IL1RAPL1: variants seen among roughly 807,000 people sequenced by gnomAD.
IL1RAPL1 encodes interleukin 1 receptor accessory protein like 1.
A neutral mutation model predicts 48.4 loss-of-function variants in IL1RAPL1; 3 were observed. That is an observed-to-expected ratio of 0.06 (90% CI 0.03 to 0.16). IL1RAPL1 has a LOEUF of 0.16. Ranked by LOEUF, IL1RAPL1 falls within the 10% of genes least tolerant of loss-of-function variation. The pLI, the probability that IL1RAPL1 is intolerant of heterozygous loss-of-function variation, is 1.00. For synonymous variants in IL1RAPL1, 185 were observed against 187.7 expected (o/e 0.99, Z 0.12); for missense variants, 349 against 530.6 (o/e 0.66, Z 3.36).
intron 6 of IL1RAPL1, among the ~76,000 whole-genome samples, chrX:29,913,253 C>G (rs1256811789): frequency 9.1e-6 from 1 of 110,107 alleles, no homozygotes; most frequent in African/African-American, 3.3e-5. Flanking sequence ...CTTAGCCGCA[C>G]AAATTTGTAC....
intron 2 of IL1RAPL1, among the ~76,000 whole-genome samples, chrX:29,271,785 T>C (rs1406074896): frequency 2.7e-5 from 3 of 112,307 alleles, no homozygotes; most frequent in African/African-American, 9.7e-5. Flanking sequence ...GGATGCACAG[T>C]TTGCAAATAC....
chrX:29,048,899 T>C (rs185194712), intron 2 of IL1RAPL1, among the ~76,000 whole-genome samples: 1 of 112,591 alleles, frequency 8.9e-6, no homozygotes, highest in East Asian at 2.8e-4. Context: ...TCATAAGTTA[T>C]ATCTTGATTT....
intron 2 of IL1RAPL1, among the ~76,000 whole-genome samples, chrX:28,923,164 C>T (rs1424767365): frequency 2.7e-5 from 3 of 111,052 alleles, no homozygotes; most frequent in Admixed American, 9.6e-5. Flanking sequence ...AAGATTTGTA[C>T]GTTTCTTTTT....
intron 2 of IL1RAPL1, among the ~76,000 whole-genome samples, chrX:29,099,692 A>G (rs1354182551): frequency 8.9e-6 from 1 of 111,877 alleles, no homozygotes; most frequent in South Asian, 3.7e-4. Context: ...TGATACCATA[A>G]CAGCAGCAAA....
intron 5 of IL1RAPL1, among the ~76,000 whole-genome samples, chrX:29,494,150 T>C (rs1935189312): frequency 9.0e-6 from 1 of 111,251 alleles, no homozygotes; most frequent in South Asian, 3.8e-4. Context: ...ATCTTCCCGC[T>C]TTGGCCTCCC....
intron 6 of IL1RAPL1, among the ~76,000 whole-genome samples, chrX:29,873,527 TC>T (rs1435723987): frequency 9.0e-6 from 1 of 111,417 alleles, no homozygotes; most frequent in African/African-American, 3.3e-5. Flanking sequence ...ACCCCCCACT[TC>T]CGCCCTGTGA....
chrX:29,239,213 ACTAAT>A (rs748921557), intron 2 of IL1RAPL1, among the ~76,000 whole-genome samples: 99 of 112,146 alleles, frequency 8.8e-4, no homozygotes, highest in Non-Finnish European at 1.7e-3. Context: ...CTCACTCAAT[ACTAAT>A]CTATGTGGAA....
At chrX:29,903,159 CGTGTGTGTGT>C (rs751071711) in intron 6 of IL1RAPL1, among the ~76,000 whole-genome samples, 14 of 99,708 alleles carry the variant, frequency 1.4e-4, no homozygotes, top group East Asian at 6.2e-4. Flanking sequence ...CATTTGTCTC[CGTGTGTGTGT>C]GTGTGTGTGT....
At chrX:29,918,144 A>AAAAAAAATAT (rs1555935868) in intron 7 of IL1RAPL1, among the ~76,000 whole-genome samples, 1 of 23,759 alleles carries the variant, frequency 4.2e-5, no homozygotes, top group African/African-American at 2.4e-4. Flanking sequence ...AAAAAAAAAA[A>AAAAAAAATAT]ATATATATAT....
At chrX:29,135,089 T>G (rs1048808132) in intron 2 of IL1RAPL1, among the ~76,000 whole-genome samples, 2 of 112,192 alleles carry the variant, frequency 1.8e-5, no homozygotes, top group African/African-American at 6.5e-5. Context: ...ATCAAATATC[T>G]AAATAATGAT....
At chrX:28,734,549 ATTTT>A (rs71889875) in intron 1 of IL1RAPL1, among the ~76,000 whole-genome samples, 2 of 98,316 alleles carry the variant, frequency 2.0e-5, no homozygotes, top group Admixed American at 1.1e-4. Context: ...CCAAAGTGTC[ATTTT>A]TTTTTTTTTT....
At chrX:28,647,579 T>C (rs927102249) in intron 1 of IL1RAPL1, among the ~76,000 whole-genome samples, 25 of 112,701 alleles carry the variant, frequency 2.2e-4, no homozygotes, top group African/African-American at 7.7e-4. Flanking sequence ...TTATTTATTA[T>C]ATTTTACAGC....
chrX:29,605,380 C>T (rs758187119), intron 5 of IL1RAPL1, among the ~76,000 whole-genome samples: 2 of 111,176 alleles, frequency 1.8e-5, no homozygotes, highest in Non-Finnish European at 3.8e-5. Flanking sequence ...ACTAACACAT[C>T]ATAACTTACC....
chrX:29,577,992 A>G (rs1922832953), intron 5 of IL1RAPL1, among the ~76,000 whole-genome samples: 1 of 111,807 alleles, frequency 8.9e-6, no homozygotes, highest in Admixed American at 9.5e-5. Context: ...ATTAAATCAG[A>G]ATCTCCAGGG....
At chrX:29,272,690 A>G (rs901061068) in intron 2 of IL1RAPL1, among the ~76,000 whole-genome samples, 2 of 111,592 alleles carry the variant, frequency 1.8e-5, no homozygotes, top group African/African-American at 6.5e-5. Flanking sequence ...CTGAGCTTGA[A>G]TGCTGGCCTA....
At chrX:28,640,735 A>AC (rs966285973) in intron 1 of IL1RAPL1, among the ~76,000 whole-genome samples, 3 of 103,669 alleles carry the variant, frequency 2.9e-5, no homozygotes, top group Non-Finnish European at 4.0e-5. Flanking sequence ...AAAAAAAAAA[A>AC]CTCATAACTA....
chrX:29,860,414 G>C (rs1931555219), intron 6 of IL1RAPL1, among the ~76,000 whole-genome samples: 2 of 111,233 alleles, frequency 1.8e-5, no homozygotes, highest in African/African-American at 6.5e-5. Flanking sequence ...AGAACGTGCA[G>C]GTTTATTACA....
At chrX:29,770,278 CGG>C (rs1569164258) in intron 6 of IL1RAPL1, among the ~76,000 whole-genome samples, 85 of 111,633 alleles carry the variant, frequency 7.6e-4, no homozygotes, top group African/African-American at 2.6e-3. Context: ...AACTCAAGTT[CGG>C]TGCATGTCTA....
intron 5 of IL1RAPL1, among the ~76,000 whole-genome samples, chrX:29,631,454 A>T (rs1924773010): frequency 9.0e-6 from 1 of 110,662 alleles, no homozygotes; most frequent in South Asian, 3.8e-4. Flanking sequence ...TCTATTTTGT[A>T]ATTTTTTGTA....
Sources: allele counts gnomAD v4.1 joint callset (sites outside exome capture counted in the v4.1 genomes callset), GRCh38; gene constraint gnomAD v4.1.1; transcripts MANE v1.5; gene names NCBI Gene and HGNC (gene_info 2026-07-23, HGNC 2026-07-21).